Variants in TAMALIN observed in about 807,000 individuals in gnomAD.
TAMALIN encodes protein TAMALIN.
A neutral mutation model predicts 38.5 loss-of-function variants in TAMALIN; 9 were observed. The ratio of observed to expected loss-of-function variants is 0.23; its 90% CI spans 0.14 to 0.41. The LOEUF (loss-of-function observed/expected upper bound fraction) is 0.41. Among genes scored for constraint, TAMALIN ranks in the 10% least tolerant of loss-of-function variants. The pLI is 1.00. For missense variants in TAMALIN, 548 were observed against 554.1 expected (o/e 0.99, Z 0.11); for synonymous variants, 306 against 256.5 (o/e 1.19, Z -1.85).
Position 52,014,214 on chromosome 12 carries a change from C to T in TAMALIN, c.682+13C>T. The T allele has an allele frequency of 1.3e-6, 2 of 1,588,664 alleles. No homozygotes were observed. The highest frequency in any genetic ancestry group is 1.7e-6 in the Non-Finnish European group (2 of 1,166,484). On this transcript the variant is annotated intron_variant, in intron 7 of 7. Coordinates refer to ENST00000293662, the MANE Select transcript of TAMALIN (RefSeq NM_181711.4). ...CGGCTGGTGCATGGTGAGTAGATCC[C>T]GGGGTGTGAGGGGCCACTTGTTCTG...
At chr12:52,013,072 CTTCTTT>C (rs1937692424) in intron 4 of TAMALIN, among the ~76,000 whole-genome samples, 1 of 135,382 alleles carries the variant, frequency 7.4e-6, no homozygotes, top group South Asian at 2.3e-4. Flanking sequence ...TGGGACAGAA[CTTCTTT>C]TTTTTTTTTT....
At chr12:52,009,498 T>C (rs1257144806) in intron 2 of TAMALIN, among the ~76,000 whole-genome samples, 1 of 152,150 alleles carries the variant, frequency 6.6e-6, no homozygotes, top group African/African-American at 2.4e-5. Context: ...CCTGGGGAGA[T>C]CTGGATGAAC....
chr12:52,010,162 C>G (rs770847267), intron 2 of TAMALIN, among the ~76,000 whole-genome samples: 1 of 152,190 alleles, frequency 6.6e-6, no homozygotes. Context: ...ATCTCTGGGT[C>G]AGGCTGGAAG....
Position 52,011,313 on chromosome 12 carries a change from T to A in TAMALIN, c.454+172T>A. Reference sequence around the variant, plus strand: ...GCTTTGGATCTAGGCAAATTTGCCATGTACTGTGTGATCTTGCACAGCCCC... The same window carrying A: ...GCTTTGGATCTAGGCAAATTTGCCAAGTACTGTGTGATCTTGCACAGCCCC... On this transcript the variant is annotated intron_variant, in intron 4 of 7. Transcript: ENST00000293662. This position sits in a 1 kb window ranked among gnomAD's most constrained non-coding sequence, Gnocchi z 5.3. The A allele has an allele frequency of 8.7e-7, 1 of 1,148,540 alleles. No individual in the cohort carries two copies. The highest frequency in any genetic ancestry group is 1.2e-6 in the Non-Finnish European group (1 of 800,228). The allele number at this position is 1,148,540 out of a possible 1,614,324, so 71.1% of individuals were successfully genotyped here.
At chr12:52,009,108 C>CT in intron 1 of TAMALIN, 82 bp from the exon 2 acceptor site, 1 of 1,322,804 alleles carries the variant, frequency 7.6e-7, no homozygotes, top group Non-Finnish European at 1.1e-6. Context: ...GGAAGTGGGT[C>CT]GCTGTGTCCA....
intron 2 of TAMALIN, among the ~76,000 whole-genome samples, chr12:52,010,033 C>T (rs574129202): frequency 2.0e-4 from 30 of 152,226 alleles, no homozygotes; most frequent in African/African-American, 7.2e-4. Context: ...TTGGGGTAGA[C>T]GCGGAACTCC....
At position 52,015,843 on chromosome 12, in the gene TAMALIN, A is replaced by G. The variant is rs575967589; in HGVS notation, c.*644A>G. The G allele has an allele frequency of 6.5e-6, 1 of 152,752 alleles. No homozygotes were observed. The highest frequency in any genetic ancestry group is 1.5e-5 in the Non-Finnish European group (1 of 68,138). The allele number at this position is 152,752 out of a possible 1,614,324, so 9.5% of individuals were successfully genotyped here. A position where few individuals can be genotyped will look rare whatever the true frequency, so the allele number is the denominator to read the frequency against. On this transcript the variant is annotated 3_prime_UTR_variant, in exon 8 of 8. Coordinates refer to ENST00000293662, the MANE Select transcript of TAMALIN (RefSeq NM_181711.4). ...CACAGACTGTTCCACCGTTGTGCAT[A>G]TTGTTGCTTCTGAACCACAAACTGT...
intron 7 of TAMALIN, 65 bp downstream of exon 7, chr12:52,014,266 C>T: frequency 7.4e-7 from 1 of 1,350,958 alleles, no homozygotes; most frequent in South Asian, 1.2e-5. Flanking sequence ...TGCGCTTCCC[C>T]CTCAGAACTG....
intron 4 of TAMALIN, among the ~76,000 whole-genome samples, chr12:52,012,185 C>G (rs1937667338): frequency 6.6e-6 from 1 of 152,218 alleles, no homozygotes; most frequent in Admixed American, 6.5e-5. Context: ...CTAAACCAGT[C>G]CTACCAGAGC....
At chr12:52,010,603 GC>G in intron 2 of TAMALIN, 1 of 1,212,032 alleles carries the variant, frequency 8.3e-7, no homozygotes, top group East Asian at 4.5e-5. Flanking sequence ...CTGGGATGGG[GC>G]TAAAAAACTC....
At chr12:52,010,424 C>A in intron 2 of TAMALIN, 1 of 872,648 alleles carries the variant, frequency 1.1e-6, no homozygotes. Context: ...GTGGGCTGGC[C>A]CCAGCATAGC....
In TAMALIN at chr12:52,014,210, A is replaced by G; in HGVS notation, c.682+9A>G. 1 of 1,591,784 alleles carries G rather than the reference A, an allele frequency of 6.3e-7. No individual in the cohort carries two copies. ...GCAGCGGCTGGTGCATGGTGAGTAG[A>G]TCCCGGGGTGTGAGGGGCCACTTGT... On this transcript the variant is annotated intron_variant, in intron 7 of 7. Coordinates refer to ENST00000293662, the MANE Select transcript of TAMALIN (RefSeq NM_181711.4).
At chr12:52,010,785 A>T (rs1565630638) in intron 2 of TAMALIN, 96 bp from the exon 3 acceptor site, 4 of 1,282,498 alleles carry the variant, frequency 3.1e-6, no homozygotes, top group Non-Finnish European at 4.5e-6. Flanking sequence ...TCCTGCTGGA[A>T]TGTTCTAGAC....
At position 52,010,806 on chromosome 12, in the gene TAMALIN, T is replaced by C. The variant is rs1016712195; in HGVS notation, c.297-75T>C. ...TGGAATGTTCTAGACCAGTTGCCAA[T>C]ATCCAGGGAGGCCCAAGCTATGGGA... On this transcript the variant is annotated intron_variant, in intron 2 of 7. Transcript: ENST00000293662. The C allele has an allele frequency of 3.3e-6, 5 of 1,500,770 alleles. No homozygotes were observed. In the African/African-American group the frequency reaches 4.1e-5, roughly 12 times the overall value. The allele number at this position is 1,500,770 out of a possible 1,614,324, so 93.0% of individuals were successfully genotyped here.
chr12:52,014,803 C>G lies in TAMALIN; in HGVS notation c.792C>G (p.Ala264=), dbSNP rs765464266. The part of the protein sequence containing the change: ...PGSLPFGPLL[A]VPGRPRGGAR... Reference sequence around the variant, plus strand: ...CGCTGCCCTTCGGGCCTCTGCTCGCCGTGCCCGGGCGTCCCCGCGGAGGCG... The same window carrying G: ...CGCTGCCCTTCGGGCCTCTGCTCGCGGTGCCCGGGCGTCCCCGCGGAGGCG... The change falls in exon 8 of 8, where the codon GCC becomes GCG. Residue 264 remains alanine (A), a synonymous_variant. Coordinates refer to ENST00000293662, the MANE Select transcript of TAMALIN (RefSeq NM_181711.4). 1 of 1,376,954 alleles carries G rather than the reference C, an allele frequency of 7.3e-7. No homozygotes were observed. The highest frequency in any genetic ancestry group is 2.7e-4 in the Middle Eastern group (1 of 3,700). 85.3% of individuals were successfully genotyped at this position (1,376,954 alleles called of 1,614,324 possible).
intron 6 of TAMALIN, 87 bp downstream of exon 6, chr12:52,014,030 G>A (rs1937726207): frequency 2.6e-6 from 4 of 1,548,068 alleles, no homozygotes; most frequent in Non-Finnish European, 3.6e-6. Flanking sequence ...TGAATCTCCT[G>A]TAACTGAAGA....
rs1942459299 is a variant in TAMALIN, at chr12:52,009,176, A to G, written c.247-14A>G. 3 of 1,613,934 alleles carry G rather than the reference A, an allele frequency of 1.9e-6. No homozygotes were observed. Among genetic ancestry groups the G allele is most frequent in the Non-Finnish European group, 1.7e-6 (2 of 1,179,862 alleles). On this transcript the variant is annotated splice_polypyrimidine_tract_variant and intron_variant, in intron 1 of 7. Transcript: ENST00000293662. ...CCCGCCTTACCTGCTCCTTCTGACC[A>G]TCTTACTGCCCAGGGCTCAGGATTC... is the stretch of plus-strand genomic sequence containing the variant.
chr12:52,006,973 C>T lies in TAMALIN; in HGVS notation c.-47C>T. On this transcript the variant is annotated 5_prime_UTR_variant, in exon 1 of 8. Transcript: ENST00000293662. The stretch of plus-strand genomic sequence containing the variant: ...CATCCCCCAGCCGCCGCCAGCCCCG[C>T]CGAGGGGAGCCAGCGCCGTCTCTGA... The T allele has an allele frequency of 7.6e-7, 1 of 1,317,978 alleles. No individual in the cohort carries two copies. Among genetic ancestry groups the T allele is most frequent in the Non-Finnish European group, 9.6e-7 (1 of 1,038,172 alleles). 81.6% of individuals were successfully genotyped at this position (1,317,978 alleles called of 1,614,324 possible).
rs1015168278 is a variant in TAMALIN at position 52,007,815 on chromosome 12, C to A, written c.246+550C>A. 1.0e-6 allele frequency: 1 copy of A among 985,322 alleles called. No individual in the cohort carries two copies. Among genetic ancestry groups the A allele is most frequent in the Admixed American group, 6.1e-5 (1 of 16,276 alleles). The allele number at this position is 985,322 out of a possible 1,614,324, so 61.0% of individuals were successfully genotyped here. On this transcript the variant is annotated intron_variant, in intron 1 of 7. Coordinates refer to ENST00000293662, the MANE Select transcript of TAMALIN (RefSeq NM_181711.4). This position sits in a 1 kb window ranked among gnomAD's most constrained non-coding sequence, Gnocchi z 6.7. ...GCCGCCTGGCCCCACGTCTGACGTA[C>A]GGGGCGCGAGGGCCACTGCTCCCTG... is the stretch of plus-strand genomic sequence containing the variant.
Sources: allele counts gnomAD v4.1 joint callset (sites outside exome capture counted in the v4.1 genomes callset), GRCh38; gene constraint gnomAD v4.1.1; non-coding constraint Gnocchi (gnomAD v3.1); transcripts MANE v1.5; gene names NCBI Gene and HGNC (gene_info 2026-07-23, HGNC 2026-07-21).